TOLLIP: variants seen among roughly 807,000 people sequenced by gnomAD.
The protein encoded by TOLLIP is toll interacting protein, also known as toll-interacting protein.
A neutral mutation model predicts 33.5 loss-of-function variants in TOLLIP; 16 were observed. The observed-to-expected ratio is 0.48, with a 90% CI of 0.32 to 0.72. TOLLIP has a LOEUF of 0.72. Among genes scored for constraint, TOLLIP ranks in the 30% least tolerant of loss-of-function variants. The pLI is 0.03. For missense variants in TOLLIP, 325 were observed against 396.6 expected, an observed-to-expected ratio of 0.82 and a Z score of 1.53; for synonymous variants, 176 against 163.7, an observed-to-expected ratio of 1.07 and a Z score of -0.57.
At chr11:1,305,008 A>T (rs898925980) in intron 1 of TOLLIP, among the ~76,000 whole-genome samples, 3 of 152,256 alleles carry the variant, frequency 2.0e-5, no homozygotes, top group African/African-American at 7.2e-5. Flanking sequence ...AAGTTTTCAG[A>T]AAAATGTAAA....
At chr11:1,288,232 G>C (rs1863811222) in intron 4 of TOLLIP, among the ~76,000 whole-genome samples, 1 of 152,226 alleles carries the variant, frequency 6.6e-6, no homozygotes, top group African/African-American at 2.4e-5. Flanking sequence ...GAGGAGCCTG[G>C]TGTCCTGCAG....
rs1864089681 is a variant in TOLLIP, at chr11:1,295,655, G to A, written c.173C>T (p.Thr58Met). 7.6e-6 allele frequency: 12 copies of A among 1,586,854 alleles called. No individual in the cohort carries two copies. The highest frequency in any genetic ancestry group is 2.7e-5 in the African/African-American group (2 of 74,486). The change falls in exon 2 of 6, where the codon ACG becomes ATG. Residue 58 changes from threonine (T) to methionine (M), a missense_variant. Thr to Met is a moderately conservative substitution (Grantham distance 81). Transcript: ENST00000317204. ...TGCCCCAAGGCCCACCTGTACCACCGTGATGTTCAGTCGGCCCACGGTGCC... is the reference window on the plus strand; with the variant it reads ...TGCCCCAAGGCCCACCTGTACCACCATGATGTTCAGTCGGCCCACGGTGCC... ...AVGTVGRLNITVVQAKLAKNY... is the reference protein window; with the variant it reads ...AVGTVGRLNIMVVQAKLAKNY...
intron 1 of TOLLIP, among the ~76,000 whole-genome samples, chr11:1,297,049 G>T (rs552686376): frequency 2.5e-4 from 37 of 150,190 alleles, no homozygotes; most frequent in African/African-American, 8.8e-4. Flanking sequence ...GAGTGGGGTG[G>T]AGACCCAGCC....
Position 1,277,262 on chromosome 11 carries a change from A to G in TOLLIP, c.611-9T>C, listed in dbSNP as rs1466076426. 2.0e-6 allele frequency: 3 copies of G among 1,536,282 alleles called. No individual in the cohort carries two copies. In the South Asian group the frequency reaches 3.7e-5, roughly 19 times the overall value. On this transcript the variant is annotated splice_polypyrimidine_tract_variant and intron_variant, in intron 5 of 5. Transcript: ENST00000317204. This position sits in a 1 kb window ranked among gnomAD's most constrained non-coding sequence, Gnocchi z 4.2. Reference sequence around the variant, plus strand: ...ACAGACAGCGGGCATCCCTGGAAGCAAAGATCAAGTTTGGTAAAAACGTCG... The same window carrying G: ...ACAGACAGCGGGCATCCCTGGAAGCGAAGATCAAGTTTGGTAAAAACGTCG...
chr11:1,292,719 G>A (rs1322167663), intron 2 of TOLLIP, among the ~76,000 whole-genome samples: 1 of 152,254 alleles, frequency 6.6e-6, no homozygotes, highest in Admixed American at 6.5e-5. Context: ...AGAGACGCAC[G>A]TCAGACAGCA....
chr11:1,289,899 C>T (rs954865579), intron 3 of TOLLIP, among the ~76,000 whole-genome samples: 3 of 149,562 alleles, frequency 2.0e-5, no homozygotes, highest in African/African-American at 4.9e-5. Context: ...GGAGGGGACA[C>T]GTGCACGCTC....
chr11:1,274,507 G>T lies in TOLLIP; in HGVS notation c.*2532C>A, dbSNP rs562123605. 1.3e-5 allele frequency: 2 copies of T among 152,076 alleles called. No homozygotes were observed. The highest frequency in any genetic ancestry group is 4.8e-5 in the African/African-American group (2 of 41,380). 9.4% of individuals were successfully genotyped at this position (152,076 alleles called of 1,614,324 possible). A position where few individuals can be genotyped will look rare whatever the true frequency, so the allele number is the denominator to read the frequency against. On this transcript the variant is annotated 3_prime_UTR_variant, in exon 6 of 6. Coordinates refer to ENST00000317204, the MANE Select transcript of TOLLIP (RefSeq NM_019009.4). ...GGACCCCAGTAAAATAATCAGAAGC[G>T]CACGTTCTGAGACCACTCCTGCCTG...
chr11:1,301,572 A>C (rs1019571705), intron 1 of TOLLIP, among the ~76,000 whole-genome samples: 6 of 152,188 alleles, frequency 3.9e-5, no homozygotes, highest in Non-Finnish European at 8.8e-5. Flanking sequence ...GCCAAACCCC[A>C]GAAGTTTCCT....
chr11:1,295,133 G>C (rs1007639690), intron 2 of TOLLIP, among the ~76,000 whole-genome samples: 4 of 152,198 alleles, frequency 2.6e-5, no homozygotes, highest in Admixed American at 1.3e-4. Flanking sequence ...TCTTACAGAC[G>C]GTTTTCGTGT....
At chr11:1,280,702 C>T (rs1027584158) in intron 5 of TOLLIP, among the ~76,000 whole-genome samples, 6 of 152,022 alleles carry the variant, frequency 3.9e-5, no homozygotes, top group Non-Finnish European at 5.9e-5. Flanking sequence ...GGCCGATTCT[C>T]CTCCCACCAC....
intron 1 of TOLLIP, among the ~76,000 whole-genome samples, chr11:1,301,063 C>A (rs1228437449): frequency 6.6e-6 from 1 of 152,264 alleles, no homozygotes; most frequent in African/African-American, 2.4e-5. Flanking sequence ...CAATTAAAAA[C>A]TAAAATGCTT....
At chr11:1,298,415 G>A (rs527806118) in intron 1 of TOLLIP, 1 of 152,368 alleles carries the variant, frequency 6.6e-6, no homozygotes, top group Admixed American at 6.5e-5. Context: ...AGGGACGTGT[G>A]GGCGTGGGGT....
intron 1 of TOLLIP, among the ~76,000 whole-genome samples, chr11:1,301,790 AG>A (rs1261361464): frequency 6.6e-6 from 1 of 152,242 alleles, no homozygotes; most frequent in East Asian, 1.9e-4. Flanking sequence ...GACCCACAGC[AG>A]GAAGACCTGG....
chr11:1,283,023 G>A (rs1420262274), intron 5 of TOLLIP, among the ~76,000 whole-genome samples: 6 of 152,324 alleles, frequency 3.9e-5, no homozygotes, highest in Admixed American at 6.5e-5. Context: ...TGACAAGGGC[G>A]GGATCTTCAC....
chr11:1,307,847 C>G (rs1416822762), intron 1 of TOLLIP, among the ~76,000 whole-genome samples: 1 of 152,180 alleles, frequency 6.6e-6, no homozygotes, highest in Non-Finnish European at 1.5e-5. Context: ...CTTCAAAGTC[C>G]TCAGAAAAAG....
intron 2 of TOLLIP, among the ~76,000 whole-genome samples, chr11:1,292,996 C>T (rs1863999586): frequency 6.6e-6 from 1 of 152,196 alleles, no homozygotes; most frequent in Non-Finnish European, 1.5e-5. Context: ...GAGAAAGGCC[C>T]ACGCGGGAAC....
chr11:1,290,140 G>T lies in TOLLIP; in HGVS notation c.366+87C>A. On this transcript the variant is annotated intron_variant, in intron 3 of 5. Coordinates refer to ENST00000317204, the MANE Select transcript of TOLLIP (RefSeq NM_019009.4). The surrounding 1 kb of genome is among the most constrained non-coding windows in gnomAD (Gnocchi z 4.9). The stretch of plus-strand genomic sequence containing the variant: ...GGAGCCACGCCTCGAAGCCAGCCAG[G>T]AACGTGGCTGTGTTGGCAGGTGTGT... 1 of 1,428,154 alleles carries T rather than the reference G, an allele frequency of 7.0e-7. No individual in the cohort carries two copies. The highest frequency in any genetic ancestry group is 2.4e-5 in the East Asian group (1 of 41,428). 88.5% of individuals were successfully genotyped at this position (1,428,154 alleles called of 1,614,324 possible). A position where few individuals can be genotyped will look rare whatever the true frequency, so the allele number is the denominator to read the frequency against.
rs1564972804 is a variant in TOLLIP at position 1,290,806 on chromosome 11, GC to G, written c.184-398del. On this transcript the variant is annotated intron_variant, in intron 2 of 5. Coordinates refer to ENST00000317204, the MANE Select transcript of TOLLIP (RefSeq NM_019009.4). The surrounding 1 kb of genome is among the most constrained non-coding windows in gnomAD (Gnocchi z 4.9). ...AGAGCATGACATGGAGTGTGAACCT[GC>G]CCCCGGAGCATGATGACCCGGGAGA... is the stretch of plus-strand genomic sequence containing the variant. 1 of 181,550 alleles carries G rather than the reference GC, an allele frequency of 5.5e-6. No homozygotes were observed. The highest frequency in any genetic ancestry group is 1.2e-5 in the Non-Finnish European group (1 of 85,650). 11.2% of individuals were successfully genotyped at this position (181,550 alleles called of 1,614,324 possible).
chr11:1,288,561 C>T (rs1295452899), intron 4 of TOLLIP, 63 bp downstream of exon 4: 3 of 1,532,400 alleles, frequency 2.0e-6, no homozygotes, highest in Admixed American at 1.8e-5. Context: ...TGTGGGGCGG[C>T]ATAGCCCCGA....
Sources: allele counts gnomAD v4.1 joint callset (sites outside exome capture counted in the v4.1 genomes callset), GRCh38; gene constraint gnomAD v4.1.1; non-coding constraint Gnocchi (gnomAD v3.1); transcripts MANE v1.5; gene names NCBI Gene and HGNC (gene_info 2026-07-23, HGNC 2026-07-21).